ZDHHC11: variants seen among roughly 807,000 people sequenced by gnomAD.
The protein encoded by ZDHHC11 is palmitoyltransferase ZDHHC11.
A neutral mutation model predicts 51.3 loss-of-function variants in ZDHHC11; 44 were observed. The observed-to-expected ratio is 0.86, with a 90% CI of 0.67 to 1.10. The LOEUF is 1.10. Among genes scored for constraint, ZDHHC11 ranks in the 50% least tolerant of loss-of-function variants. ZDHHC11 has a pLI of 0.00. For synonymous variants in ZDHHC11, 163 were observed against 222.0 expected, an observed-to-expected ratio of 0.73 and a Z score of 2.36; for missense variants, 400 against 537.7, an observed-to-expected ratio of 0.74 and a Z score of 2.53.
chr5:852,606 A>G (rs1020434179), upstream of ZDHHC11, among the ~76,000 whole-genome samples: 1 of 151,390 alleles, frequency 6.6e-6, no homozygotes, highest in African/African-American at 2.4e-5. Flanking sequence ...CACGGAGGAC[A>G]GTAAGCTGGA....
At position 850,570 on chromosome 5, in the gene ZDHHC11, G is replaced by A. The variant is rs748170430; in HGVS notation, c.33C>T (p.Val11=). The change falls in exon 1 of 13, where the codon GTC becomes GTT. Residue 11 remains valine, a synonymous_variant. Transcript: ENST00000283441. MDTRSGSQCS[V]TPEAILNNEK... is the part of the protein sequence containing the mutation. ...CATTATTGAGTATGGCTTCTGGGGTGACGGAACACTGGCTCCCGGAGCGGG... is the reference window on the plus strand; with the variant it reads ...CATTATTGAGTATGGCTTCTGGGGTAACGGAACACTGGCTCCCGGAGCGGG... 1 of 1,613,556 alleles carries A rather than the reference G, an allele frequency of 6.2e-7. No homozygotes were observed. The highest frequency in any genetic ancestry group is 1.7e-5 in the Admixed American group (1 of 60,028).
chr5:811,689 C>G (rs1457240084), intron 11 of ZDHHC11, among the ~76,000 whole-genome samples: 4 of 151,164 alleles, frequency 2.6e-5, no homozygotes, highest in Non-Finnish European at 5.9e-5. Context: ...CTATCGGCCA[C>G]TCTCAAAATG....
Position 840,484 on chromosome 5 carries a change from G to T in ZDHHC11, c.784+11C>A, listed in dbSNP as rs1376565367. On this transcript the variant is annotated intron_variant, in intron 5 of 12. Transcript: ENST00000283441. ...CTTGGGGGGATCGGGGGCTTAGGGT[G>T]GGGGACATACTCAGGTAGATGTGGA... 3 of 1,613,424 alleles carry T rather than the reference G, an allele frequency of 1.9e-6. No individual in the cohort carries two copies. The highest frequency in any genetic ancestry group is 2.5e-6 in the Non-Finnish European group (3 of 1,179,880).
At chr5:824,652 A>G (rs1252092028) in intron 8 of ZDHHC11, among the ~76,000 whole-genome samples, 1 of 151,278 alleles carries the variant, frequency 6.6e-6, no homozygotes, top group African/African-American at 2.4e-5. Context: ...AACCACACAC[A>G]TAACCACACC....
At chr5:834,497 G>C (rs1183905491) in intron 6 of ZDHHC11, among the ~76,000 whole-genome samples, 3 of 151,658 alleles carry the variant, frequency 2.0e-5, no homozygotes, top group African/African-American at 7.3e-5. Context: ...GAAAAACTGA[G>C]TTTTCTGTTT....
At chr5:808,493 C>T (rs1167136265) in intron 11 of ZDHHC11, among the ~76,000 whole-genome samples, 6 of 147,810 alleles carry the variant, frequency 4.1e-5, no homozygotes, top group South Asian at 2.2e-4. Context: ...TCCCTTTGGA[C>T]GTCTGCATGT....
intron 9 of ZDHHC11, 58 bp from the exon 10 acceptor site, chr5:819,670 G>A (rs1741313405): frequency 1.3e-6 from 2 of 1,543,702 alleles, no homozygotes; most frequent in South Asian, 1.1e-5. Context: ...CGCTCAGGAT[G>A]GCACTGGAGG....
chr5:806,376 C>T (rs1378901838), intron 11 of ZDHHC11, among the ~76,000 whole-genome samples: 1 of 151,236 alleles, frequency 6.6e-6, no homozygotes, highest in African/African-American at 2.4e-5. Context: ...CTCTACCTCA[C>T]ACCATACACT....
chr5:851,765 T>C (rs1460572411), upstream of ZDHHC11, among the ~76,000 whole-genome samples: 4 of 152,242 alleles, frequency 2.6e-5, no homozygotes, highest in African/African-American at 7.2e-5. Flanking sequence ...AACAGGACCA[T>C]GGTTCTTTGG....
chr5:828,316 G>T (rs1742586118), intron 7 of ZDHHC11, among the ~76,000 whole-genome samples: 1 of 151,152 alleles, frequency 6.6e-6, no homozygotes, highest in South Asian at 2.1e-4. Context: ...GGGGCGGCCG[G>T]GCGGAGGCAC....
At position 819,514 on chromosome 5, in the gene ZDHHC11, T is replaced by C. The variant is rs766106190; in HGVS notation, c.1146+11A>G. On this transcript the variant is annotated intron_variant, in intron 10 of 12. Transcript: ENST00000283441. ...CTGTCCTCGGGGACAGCGCCAGTGA[T>C]TGCAACTTACCTGTGCCATCGAGCC... 35 of 1,608,030 alleles carry C rather than the reference T, an allele frequency of 2.2e-5. No individual in the cohort carries two copies. Among genetic ancestry groups the C allele is most frequent in the Non-Finnish European group, 2.9e-5 (34 of 1,175,284 alleles).
intron 5 of ZDHHC11, among the ~76,000 whole-genome samples, chr5:838,465 G>A (rs539214555): frequency 3.3e-5 from 5 of 152,178 alleles, no homozygotes; most frequent in Admixed American, 1.3e-4. Context: ...AGCAGATGGC[G>A]GTGGGCGCCC....
At chr5:846,971 C>G (rs1746318938) in intron 3 of ZDHHC11, among the ~76,000 whole-genome samples, 1 of 151,910 alleles carries the variant, frequency 6.6e-6, no homozygotes, top group Non-Finnish European at 1.5e-5. Context: ...AGTGGAAACA[C>G]CTCTCATCTG....
chr5:837,557 G>T, intron 5 of ZDHHC11, 77 bp from the exon 6 acceptor site: 2 of 1,496,296 alleles, frequency 1.3e-6, no homozygotes, highest in Non-Finnish European at 1.9e-6. Context: ...CAGCTCAGCA[G>T]AGTGGCCAGT....
chr5:845,077 A>C (rs1307026979), intron 3 of ZDHHC11, among the ~76,000 whole-genome samples: 2 of 152,286 alleles, frequency 1.3e-5, no homozygotes, highest in East Asian at 1.9e-4. Flanking sequence ...CCGAAGAGGC[A>C]GTTAGGGCAC....
chr5:824,547 G>A (rs923803712), intron 8 of ZDHHC11, among the ~76,000 whole-genome samples: 2 of 151,452 alleles, frequency 1.3e-5, no homozygotes, highest in African/African-American at 4.8e-5. Context: ...GCCGGCAGCC[G>A]CGCTGGTCTT....
At chr5:833,894 C>CT (rs1468208677) in intron 6 of ZDHHC11, 87 bp from the exon 7 acceptor site, 1 of 1,552,698 alleles carries the variant, frequency 6.4e-7, no homozygotes, top group African/African-American at 1.4e-5. Context: ...TCTATTATTC[C>CT]TGGGTTTTGA....
At chr5:828,401 G>T (rs1173842797) in intron 7 of ZDHHC11, among the ~76,000 whole-genome samples, 1 of 151,012 alleles carries the variant, frequency 6.6e-6, no homozygotes, top group East Asian at 1.9e-4. Flanking sequence ...GCGGCTGGCC[G>T]GGTGGAGGTG....
intron 6 of ZDHHC11, among the ~76,000 whole-genome samples, chr5:835,351 A>T (rs1743679924): frequency 6.6e-6 from 1 of 151,762 alleles, no homozygotes; most frequent in African/African-American, 2.4e-5. Context: ...ATTTAAAGTC[A>T]ATTGACCATA....
Sources: allele counts gnomAD v4.1 joint callset (sites outside exome capture counted in the v4.1 genomes callset), GRCh38; gene constraint gnomAD v4.1.1; transcripts MANE v1.5; gene names NCBI Gene and HGNC (gene_info 2026-07-23, HGNC 2026-07-21).